HAT1: variants seen among roughly 807,000 people sequenced by gnomAD.
HAT1 encodes the protein histone acetyltransferase type B catalytic subunit.
A neutral mutation model predicts 56.6 loss-of-function variants in HAT1; 20 were observed. The ratio of observed to expected loss-of-function variants is 0.35; its 90% CI spans 0.25 to 0.51. The LOEUF is 0.51. Ranked by LOEUF, HAT1 falls within the 20% of genes least tolerant of loss-of-function variation. The pLI is 0.95. For synonymous variants in HAT1, 146 were observed against 165.5 expected, an observed-to-expected ratio of 0.88 and a Z score of 0.91; for missense variants, 408 against 504.3, an observed-to-expected ratio of 0.81 and a Z score of 1.83.
Position 171,976,328 on chromosome 2 carries a change from G to A in HAT1, c.975+20G>A. 4 of 1,445,158 alleles carry A rather than the reference G, an allele frequency of 2.8e-6. No homozygotes were observed. Among genetic ancestry groups the A allele is most frequent in the Non-Finnish European group, 3.8e-6 (4 of 1,066,102 alleles). The allele number at this position is 1,445,158 out of a possible 1,614,324, so 89.5% of individuals were successfully genotyped here. A position where few individuals can be genotyped will look rare whatever the true frequency, so the allele number is the denominator to read the frequency against. On this transcript the variant is annotated intron_variant, in intron 9 of 10. Coordinates refer to ENST00000264108, the MANE Select transcript of HAT1 (RefSeq NM_003642.4). ...AATAAGGTATTTTTATTCTGTAGGA[G>A]GAAAACAGATTTAAATTACAAACAA...
At chr2:171,936,827 A>G (rs1234798751) in intron 2 of HAT1, among the ~76,000 whole-genome samples, 2 of 152,220 alleles carry the variant, frequency 1.3e-5, no homozygotes, top group African/African-American at 4.8e-5. Context: ...ACACAGGATT[A>G]TGAATAAACT....
intron 1 of HAT1, 82 bp from the exon 2 acceptor site, chr2:171,925,455 A>G (rs1180920993): frequency 4.2e-6 from 3 of 708,218 alleles, no homozygotes; most frequent in African/African-American, 3.5e-5. Context: ...TCATACCCCT[A>G]TTCCACTTAT....
At chr2:171,948,866 T>G (rs1341004823) in intron 3 of HAT1, among the ~76,000 whole-genome samples, 1 of 152,216 alleles carries the variant, frequency 6.6e-6, no homozygotes, top group African/African-American at 2.4e-5. Flanking sequence ...AAGTCCGTGA[T>G]GTCAGTTTGT....
chr2:171,930,911 A>C (rs1686729352), intron 2 of HAT1, among the ~76,000 whole-genome samples: 1 of 151,746 alleles, frequency 6.6e-6, no homozygotes, highest in Admixed American at 6.6e-5. Flanking sequence ...CACCACACCC[A>C]GCTATAGGAT....
Position 171,965,875 on chromosome 2 carries a change from A to C in HAT1, c.578A>C (p.Asp193Ala). 6.2e-7 allele frequency: 1 copy of C among 1,613,116 alleles called. No homozygotes were observed. ...TTTATTGAAACTGCTAGCTTTATTG[A>C]CGTGGATGATGAAAGATGGCACTAC... ...MWFIETASFI[D>A]VDDERWHYFL... The change falls in exon 6 of 11, where the codon GAC becomes GCC. Residue 193 changes from aspartate (D) to alanine (A), a missense_variant. Coordinates refer to ENST00000264108, the MANE Select transcript of HAT1 (RefSeq NM_003642.4).
At chr2:171,945,498 ATTTTT>A (rs71013093) in intron 2 of HAT1, among the ~76,000 whole-genome samples, 4 of 122,586 alleles carry the variant, frequency 3.3e-5, no homozygotes, top group Admixed American at 8.5e-5. Flanking sequence ...GCTATCTATA[ATTTTT>A]TTTTTTTTTT....
intron 10 of HAT1, chr2:171,980,420 C>CTAT (rs1259970794): frequency 6.6e-6 from 1 of 152,030 alleles, no homozygotes; most frequent in Admixed American, 6.6e-5. Flanking sequence ...CATGTTAGTA[C>CTAT]TATTATATTT....
chr2:171,953,973 T>TG (rs1687377471), intron 4 of HAT1, among the ~76,000 whole-genome samples: 1 of 152,256 alleles, frequency 6.6e-6, no homozygotes, highest in Non-Finnish European at 1.5e-5. Flanking sequence ...GCAGCCTGGG[T>TG]GACAGAGTGA....
intron 4 of HAT1, among the ~76,000 whole-genome samples, chr2:171,959,998 T>A (rs1341673932): frequency 1.3e-5 from 2 of 151,810 alleles, no homozygotes; most frequent in South Asian, 4.1e-4. Flanking sequence ...GAGAGAGGGG[T>A]AGGAGATGGT....
chr2:171,934,873 A>C (rs941585408), intron 2 of HAT1, among the ~76,000 whole-genome samples: 3 of 149,466 alleles, frequency 2.0e-5, no homozygotes, highest in East Asian at 2.0e-4. Context: ...CTCCTGCCTC[A>C]GCCTCCCAAG....
intron 8 of HAT1, 86 bp downstream of exon 8, chr2:171,967,035 T>C: frequency 1.5e-6 from 1 of 662,798 alleles, no homozygotes; most frequent in East Asian, 2.7e-5. Context: ...GAAATAACTA[T>C]TTTAAACAGC....
intron 2 of HAT1, among the ~76,000 whole-genome samples, chr2:171,930,821 C>T (rs1686724729): frequency 6.6e-6 from 1 of 151,788 alleles, no homozygotes; most frequent in Non-Finnish European, 1.5e-5. Context: ...CACTATATTG[C>T]CCATGCTGGT....
chr2:171,925,657 C>T lies in HAT1; in HGVS notation c.112+16C>T. On this transcript the variant is annotated intron_variant, in intron 2 of 10. Coordinates refer to ENST00000264108, the MANE Select transcript of HAT1 (RefSeq NM_003642.4). ...CTAAAATTAGGTATGTATGCCATTT[C>T]TAAGTGATGTTATGTACATACTGTG... is the stretch of plus-strand genomic sequence containing the variant. 9.8e-7 allele frequency: 1 copy of T among 1,019,412 alleles called. No individual in the cohort carries two copies. Among genetic ancestry groups the T allele is most frequent in the East Asian group, 2.4e-5 (1 of 42,144 alleles). The allele number at this position is 1,019,412 out of a possible 1,614,324, so 63.1% of individuals were successfully genotyped here. A position where few individuals can be genotyped will look rare whatever the true frequency, so the allele number is the denominator to read the frequency against.
At chr2:171,931,674 G>A (rs549270887) in intron 2 of HAT1, among the ~76,000 whole-genome samples, 14 of 152,082 alleles carry the variant, frequency 9.2e-5, no homozygotes, top group South Asian at 2.1e-4. Flanking sequence ...ACTGTGTCTC[G>A]GGGGGGAAAA....
chr2:171,922,986 G>A (rs1686481397), intron 1 of HAT1: 1 of 157,860 alleles, frequency 6.3e-6, no homozygotes, highest in South Asian at 2.1e-4. Flanking sequence ...GCCCTGCTCT[G>A]GCGCTCCCAC....
intron 4 of HAT1, among the ~76,000 whole-genome samples, chr2:171,961,154 C>A (rs1057233317): frequency 1.3e-5 from 2 of 151,958 alleles, no homozygotes; most frequent in African/African-American, 4.8e-5. Flanking sequence ...AAAACGAAAA[C>A]AAAAGCTAGG....
In HAT1 at chr2:171,951,193, G is replaced by A. The variant is rs187608893; in HGVS notation, c.189-1688G>A. On this transcript the variant is annotated intron_variant, in intron 3 of 10. Transcript: ENST00000264108. Reference sequence around the variant, plus strand: ...TTTCATTATTGATGTATCAGATTAGGCATTTTATGTGCTTTCACATATTAA... The same window carrying A: ...TTTCATTATTGATGTATCAGATTAGACATTTTATGTGCTTTCACATATTAA... 4.1e-3 allele frequency among the ~76,000 whole-genome samples: 630 copies of A among 152,206 alleles called. 4 individuals carry two copies. Among genetic ancestry groups the A allele is most frequent in the Non-Finnish European group, 7.0e-3 (477 of 68,016 alleles).
At position 171,952,346 on chromosome 2, in the gene HAT1, C is replaced by G. The variant is rs1687329772; in HGVS notation, c.189-535C>G. Among the ~76,000 whole-genome samples, 3 of 152,158 alleles carry G rather than the reference C, an allele frequency of 2.0e-5. No homozygotes were observed. The South Asian group carries it at 6.2e-4, about 31-fold the overall frequency. On this transcript the variant is annotated intron_variant, in intron 3 of 10. Transcript: ENST00000264108. ...AAGGCATAAATGTGATAGCAGGGAG[C>G]AGGGGTGGAAGAATTAGCAGCAGTT...
intron 4 of HAT1, among the ~76,000 whole-genome samples, chr2:171,956,515 AAAAC>A (rs142502817): frequency 8.5e-5 from 13 of 152,072 alleles, no homozygotes; most frequent in South Asian, 6.2e-4. Flanking sequence ...TTGTCTCCAA[AAAAC>A]AAACAAACAA....
Sources: gnomAD v4.1 joint callset for allele counts (sites outside exome capture counted in the v4.1 genomes callset) on GRCh38, gnomAD v4.1.1 for gene constraint, MANE v1.5 for transcripts, NCBI Gene and HGNC (gene_info 2026-07-23, HGNC 2026-07-21) for gene names.